The following MPHOSPH9 variants were observed in gnomAD, a reference collection of about 807,000 sequenced individuals.
The protein encoded by MPHOSPH9 is M-phase phosphoprotein 9.
In MPHOSPH9, 88 loss-of-function variants were observed where a neutral mutation model predicts 145.5. That is an observed-to-expected ratio of 0.60 (90% CI 0.51 to 0.72). MPHOSPH9 has a LOEUF of 0.72. Among genes scored for constraint, MPHOSPH9 ranks in the 30% least tolerant of loss-of-function variants. The pLI is 0.00. For synonymous variants in MPHOSPH9, 435 were observed against 486.2 expected (o/e 0.89, Z 1.39); for missense variants, 1,238 against 1,386.6 (o/e 0.89, Z 1.70).
chr12:123,200,227 T>C (rs968709728), intron 11 of MPHOSPH9, among the ~76,000 whole-genome samples: 2 of 79,362 alleles, frequency 2.5e-5, no homozygotes, highest in Non-Finnish European at 7.7e-5. Flanking sequence ...TGGTTTTTTA[T>C]CTTGGGGGAA....
rs2047055996 is a variant in MPHOSPH9 at position 123,218,306 on chromosome 12, T to C, written c.996+70A>G. ...AAAAGAAAGGGCACAAGAGTTTTGT[T>C]CATGAGCGTGTACTAAACCCACATA... On this transcript the variant is annotated intron_variant, in intron 6 of 23. Transcript: ENST00000606320. 3 of 1,573,710 alleles carry C rather than the reference T, an allele frequency of 1.9e-6. No individual in the cohort carries two copies. The East Asian group carries it at 6.8e-5, about 36-fold the overall frequency.
chr12:123,206,385 C>A (rs2046432696), intron 8 of MPHOSPH9, among the ~76,000 whole-genome samples: 1 of 151,360 alleles, frequency 6.6e-6, no homozygotes, highest in Non-Finnish European at 1.5e-5. Flanking sequence ...TCGCCTGAGC[C>A]CAGGAGGTTG....
intron 8 of MPHOSPH9, among the ~76,000 whole-genome samples, chr12:123,209,570 G>A (rs1042159705): frequency 1.3e-5 from 2 of 151,250 alleles, no homozygotes; most frequent in African/African-American, 4.9e-5. Flanking sequence ...ACCAAGTCTG[G>A]TTAATTTTTT....
intron 5 of MPHOSPH9, among the ~76,000 whole-genome samples, chr12:123,220,343 G>A (rs1790102): frequency 0.64 from 97,596 of 151,596 alleles, 35,830 homozygotes; most frequent in East Asian, 1. Flanking sequence ...AGGTGGGCAC[G>A]TCACCTGAGG....
chr12:123,230,647 T>G (rs1327229382), intron 1 of MPHOSPH9, 125 bp from the exon 2 acceptor site: 2 of 238,636 alleles, frequency 8.4e-6, no homozygotes, highest in Admixed American at 1.1e-4. Context: ...GCAACAGTAT[T>G]CATAATAATC....
At chr12:123,206,466 A>AAGAG (rs1028001048) in intron 8 of MPHOSPH9, among the ~76,000 whole-genome samples, 1 of 149,668 alleles carries the variant, frequency 6.7e-6, no homozygotes, top group African/African-American at 2.5e-5. Context: ...TGAAGAAAGA[A>AAGAG]AGAGAGAAAG....
chr12:123,243,651 G>A (rs1238928779), intron 1 of MPHOSPH9, among the ~76,000 whole-genome samples: 2 of 152,082 alleles, frequency 1.3e-5, no homozygotes, highest in East Asian at 3.8e-4. Flanking sequence ...GTTGCAGGGA[G>A]CCGAGATCGC....
In MPHOSPH9 at chr12:123,214,748, T is replaced by A. The variant is rs1436076691; in HGVS notation, c.1083A>T (p.Gly361=). The change falls in exon 7 of 24, where the codon GGA becomes GGT. Residue 361 remains glycine (G), a synonymous_variant. Transcript: ENST00000606320. ...ETPNAWMSDS[G]TGLTYWKLEE... The stretch of plus-strand genomic sequence containing the variant: ...ATAAAAATGTAAGTATCATACCTGT[T>A]CCTGAATCAGACATCCAAGCATTTG... 1.9e-6 allele frequency: 3 copies of A among 1,608,132 alleles called. No individual in the cohort carries two copies. The highest frequency in any genetic ancestry group is 2.6e-6 in the Non-Finnish European group (3 of 1,174,606).
chr12:123,185,541 G>A (rs1173974665), intron 13 of MPHOSPH9, among the ~76,000 whole-genome samples: 1 of 151,950 alleles, frequency 6.6e-6, no homozygotes, highest in Non-Finnish European at 1.5e-5. Context: ...CTCAGGAGTT[G>A]GAGACCAGCA....
At chr12:123,174,450 G>A (rs2044736084) in intron 16 of MPHOSPH9, among the ~76,000 whole-genome samples, 1 of 149,350 alleles carries the variant, frequency 6.7e-6, no homozygotes, top group African/African-American at 2.5e-5. Context: ...TTGGCTCCCT[G>A]CAAGCTCCGC....
chr12:123,180,102 T>G, intron 14 of MPHOSPH9, 112 bp from the exon 15 acceptor site: 2 of 558,186 alleles, frequency 3.6e-6, no homozygotes, highest in Non-Finnish European at 6.0e-6. Flanking sequence ...CTACAAACCA[T>G]ACTCAGCAAG....
intron 7 of MPHOSPH9, among the ~76,000 whole-genome samples, chr12:123,213,008 C>T (rs550403024): frequency 4.6e-5 from 7 of 151,296 alleles, no homozygotes; most frequent in Non-Finnish European, 1.0e-4. Context: ...TACAGGCGGC[C>T]GCCACCAAGC....
At chr12:123,221,950 T>G (rs535630536) in intron 4 of MPHOSPH9, 55 bp from the exon 5 acceptor site, 1 of 877,236 alleles carries the variant, frequency 1.1e-6, no homozygotes, top group South Asian at 1.8e-5. Flanking sequence ...CATCATATTT[T>G]TATGACTGTT....
intron 2 of MPHOSPH9, among the ~76,000 whole-genome samples, chr12:123,229,474 G>T (rs1355014114): frequency 6.6e-6 from 1 of 152,198 alleles, no homozygotes; most frequent in Non-Finnish European, 1.5e-5. Flanking sequence ...AACACACTTT[G>T]ATAACATCTA....
rs2045993517 is a variant in MPHOSPH9 at position 123,197,144 on chromosome 12, GGTAA to G, written c.2025+1099_2025+1102del. Among the ~76,000 whole-genome samples, 3 of 148,880 alleles carry G rather than the reference GGTAA, an allele frequency of 2.0e-5. No individual in the cohort carries two copies. The South Asian group carries it at 6.4e-4, about 32-fold the overall frequency. On this transcript the variant is annotated intron_variant, in intron 12 of 23. Coordinates refer to ENST00000606320, the MANE Select transcript of MPHOSPH9 (RefSeq NM_022782.4). ...TTCATGGAATTGTACACTTTAAAAG[GGTAA>G]GTTTTATGGTATGCAAATTATATTG... is the stretch of plus-strand genomic sequence containing the variant.
upstream of MPHOSPH9, chr12:123,233,613 A>G (rs1026477447): frequency 6.6e-6 from 1 of 152,176 alleles, no homozygotes; most frequent in African/African-American, 2.4e-5. Context: ...GCGAGCCGGG[A>G]CGCCTGGGTT....
chr12:123,181,877 C>G (rs1157690902), intron 13 of MPHOSPH9, among the ~76,000 whole-genome samples: 1 of 152,090 alleles, frequency 6.6e-6, no homozygotes, highest in Non-Finnish European at 1.5e-5. Flanking sequence ...AGAGCGAGAC[C>G]CTGTCTCAAA....
At chr12:123,188,100 T>C (rs959770904) in intron 13 of MPHOSPH9, among the ~76,000 whole-genome samples, 1 of 152,136 alleles carries the variant, frequency 6.6e-6, no homozygotes, top group Non-Finnish European at 1.5e-5. Context: ...CACTCCAGCC[T>C]GTACAACAAG....
At chr12:123,163,888 A>G (rs1389014796) in intron 19 of MPHOSPH9, 62 bp downstream of exon 19, 6 of 1,600,350 alleles carry the variant, frequency 3.7e-6, no homozygotes, top group Non-Finnish European at 5.1e-6. Context: ...CAGCGGGCAC[A>G]AATAGATTTG....
Sources: gnomAD v4.1 joint callset for allele counts (sites outside exome capture counted in the v4.1 genomes callset) on GRCh38, gnomAD v4.1.1 for gene constraint, MANE v1.5 for transcripts, NCBI Gene and HGNC (gene_info 2026-07-23, HGNC 2026-07-21) for gene names.